AFF3: variants seen among roughly 807,000 people sequenced by gnomAD.
AFF3 encodes ALF transcription elongation factor 3, also known as AF4/FMR2 family member 3.
AFF3 carries 32 observed loss-of-function variants against 129.7 expected under a neutral mutation model. That is an observed-to-expected ratio of 0.25 (90% CI 0.19 to 0.33). The LOEUF (loss-of-function observed/expected upper bound fraction) is 0.33, where lower values mean the gene tolerates loss of function less well. Among genes scored for constraint, AFF3 ranks in the 10% least tolerant of loss-of-function variants. The probability of loss-of-function intolerance (pLI) is 1.00; values close to 1 mark genes in which losing one functional copy is unlikely to be tolerated. For missense variants in AFF3, 1,373 were observed against 1,592.0 expected, an observed-to-expected ratio of 0.86 and a Z score of 2.34; for synonymous variants, 644 against 635.4, an observed-to-expected ratio of 1.01 and a Z score of -0.20.
chr2:99,879,390 T>G (rs1692530715), intron 7 of AFF3, among the ~76,000 whole-genome samples: 1 of 152,198 alleles, frequency 6.6e-6, no homozygotes, highest in Non-Finnish European at 1.5e-5. Context: ...GCTCATCAAC[T>G]TCCTAGTAGC....
chr2:99,676,482 C>G (rs1266071758), intron 11 of AFF3, among the ~76,000 whole-genome samples: 1 of 152,172 alleles, frequency 6.6e-6, no homozygotes, highest in East Asian at 1.9e-4. Flanking sequence ...GGACCTGCCT[C>G]AGAGGGCTTC....
intron 4 of AFF3, among the ~76,000 whole-genome samples, chr2:100,073,286 G>A (rs10206252): frequency 0.016 from 2,439 of 152,330 alleles, 69 homozygotes; most frequent in African/African-American, 0.055. Context: ...AAGGGGACAC[G>A]TGGACACAGG....
intron 13 of AFF3, among the ~76,000 whole-genome samples, chr2:99,632,008 CTTTTTTTTTTTTT>C (rs745651225): frequency 3.9e-5 from 3 of 76,908 alleles, no homozygotes; most frequent in South Asian, 5.9e-4. Flanking sequence ...CTTGCCAACA[CTTTTTTTTTTTTT>C]TTTTTTTTTT....
chr2:99,856,794 G>C (rs1690563676), intron 7 of AFF3, among the ~76,000 whole-genome samples: 1 of 152,084 alleles, frequency 6.6e-6, no homozygotes, highest in African/African-American at 2.4e-5. Context: ...TGATTATTTG[G>C]GTATTAAATT....
In AFF3 at chr2:99,798,568, A is replaced by G. The variant is rs962033188; in HGVS notation, c.921+38909T>C. On this transcript the variant is annotated intron_variant, in intron 8 of 24. Coordinates refer to ENST00000672756, the MANE Select transcript of AFF3 (RefSeq NM_001386135.1). ...CAATTATATGCTATTTATAAGAAAT[A>G]TACTGTAAGTATAAGAAAAACCAAA... 5.9e-5 allele frequency among the ~76,000 whole-genome samples: 9 copies of G among 152,116 alleles called. No individual in the cohort carries two copies. The East Asian group carries it at 1.7e-3, about 29-fold the overall frequency.
chr2:99,771,831 T>C (rs1218566417), intron 8 of AFF3, among the ~76,000 whole-genome samples: 1 of 152,186 alleles, frequency 6.6e-6, no homozygotes, highest in Admixed American at 6.5e-5. Flanking sequence ...CCAAGGCCTC[T>C]CAGTCACTTG....
chr2:99,827,794 G>C (rs1688204102), intron 8 of AFF3, among the ~76,000 whole-genome samples: 1 of 151,976 alleles, frequency 6.6e-6, no homozygotes, highest in Non-Finnish European at 1.5e-5. Context: ...AGAGAGAGGA[G>C]GTGCTCACTC....
At chr2:99,762,793 G>A (rs1212903837) in intron 8 of AFF3, among the ~76,000 whole-genome samples, 8 of 152,216 alleles carry the variant, frequency 5.3e-5, no homozygotes, top group Non-Finnish European at 1.2e-4. Flanking sequence ...GACACGGGAT[G>A]AATTCTGCGA....
At position 99,677,113 on chromosome 2, in the gene AFF3, T is replaced by C. The variant is rs141769462; in HGVS notation, c.1092-4524A>G. 5.1e-3 allele frequency among the ~76,000 whole-genome samples: 776 copies of C among 151,810 alleles called. 7 individuals are homozygous for C. Among genetic ancestry groups the C allele is most frequent in the African/African-American group, 0.017 (711 of 41,390 alleles). ...CAAAATACTGTCTCTATAAAAAATA[T>C]ATAAAAATTAGACAGACATGGTGGT... On this transcript the variant is annotated intron_variant, in intron 11 of 24. Transcript: ENST00000672756.
intron 8 of AFF3, among the ~76,000 whole-genome samples, chr2:99,778,352 G>A (rs1684109651): frequency 6.6e-6 from 1 of 152,194 alleles, no homozygotes; most frequent in Admixed American, 6.5e-5. Context: ...ATGTACAATT[G>A]ATACAAGGAA....
At chr2:100,104,687 C>T in intron 3 of AFF3, 169 bp from the exon 4 acceptor site, 1 of 972,440 alleles carries the variant, frequency 1.0e-6, no homozygotes, top group Non-Finnish European at 1.2e-6. Context: ...GGCTTGCGCG[C>T]AGGCACACTC....
intron 7 of AFF3, among the ~76,000 whole-genome samples, chr2:99,908,380 G>T (rs1279209256): frequency 1.3e-5 from 2 of 152,068 alleles, no homozygotes; most frequent in African/African-American, 4.8e-5. Flanking sequence ...AGCGCTAGAA[G>T]AAAACCTAGG....
At chr2:100,034,369 T>C (rs1684746147) in intron 4 of AFF3, among the ~76,000 whole-genome samples, 1 of 152,134 alleles carries the variant, frequency 6.6e-6, no homozygotes, top group South Asian at 2.1e-4. Flanking sequence ...AAAATAAAAT[T>C]AAATATAGAA....
chr2:99,724,271 C>CTTTCTTT (rs1411290883), intron 11 of AFF3, among the ~76,000 whole-genome samples: 2 of 66,862 alleles, frequency 3.0e-5, no homozygotes, highest in Admixed American at 2.5e-4. Context: ...AATGACCTTT[C>CTTTCTTT]TTTTTTTTTT....
In AFF3 at chr2:100,008,936, C is replaced by T. The variant is rs779477791; in HGVS notation, c.54-4G>A. ...ATTTCTATCTGGTTCATAGACACTG[C>T]ATCAGGAAAAAGAAGAGAGAACAAC... On this transcript the variant is annotated splice_region_variant and splice_polypyrimidine_tract_variant and intron_variant, in intron 4 of 24. Coordinates refer to ENST00000672756, the MANE Select transcript of AFF3 (RefSeq NM_001386135.1). 26 of 1,612,720 alleles carry T rather than the reference C, an allele frequency of 1.6e-5. No homozygotes were observed. The East Asian group carries it at 5.1e-4, about 32-fold the overall frequency.
At chr2:99,686,739 A>G (rs1335831661) in intron 11 of AFF3, among the ~76,000 whole-genome samples, 1 of 152,236 alleles carries the variant, frequency 6.6e-6, no homozygotes, top group East Asian at 1.9e-4. Flanking sequence ...ATCTTATTGC[A>G]TGGCAAATAT....
rs914232805 is a variant in AFF3, at chr2:99,554,294, G to T, written c.3559+17C>A. 3.7e-6 allele frequency: 6 copies of T among 1,613,780 alleles called. No individual in the cohort carries two copies. In the African/African-American group the frequency reaches 5.3e-5, roughly 14 times the overall value. On this transcript the variant is annotated intron_variant, in intron 24 of 24. Transcript: ENST00000672756. Reference sequence around the variant, plus strand: ...GGGAGGCGGAAGCCCCTGGTTCCCCGTGGGGTGTGCGCTCACCTCGGTTTT... The same window carrying T: ...GGGAGGCGGAAGCCCCTGGTTCCCCTTGGGGTGTGCGCTCACCTCGGTTTT...
intron 7 of AFF3, among the ~76,000 whole-genome samples, chr2:99,968,168 G>C (rs1429848046): frequency 6.6e-6 from 1 of 152,164 alleles, no homozygotes; most frequent in Non-Finnish European, 1.5e-5. Context: ...CAGTAAGAAT[G>C]AACTAGTCCC....
Position 99,565,638 on chromosome 2 carries a change from T to C in AFF3, c.2983-15A>G, listed in dbSNP as rs1241545309. ...AACTTTTCCACCTGATCAACAGAGTTAATACAGTGTCTTCCTAAACAATAG... is the reference window on the plus strand; with the variant it reads ...AACTTTTCCACCTGATCAACAGAGTCAATACAGTGTCTTCCTAAACAATAG... On this transcript the variant is annotated splice_polypyrimidine_tract_variant and intron_variant, in intron 19 of 24. Coordinates refer to ENST00000672756, the MANE Select transcript of AFF3 (RefSeq NM_001386135.1). 6.2e-7 allele frequency: 1 copy of C among 1,608,596 alleles called. No homozygotes were observed. Among genetic ancestry groups the C allele is most frequent in the Admixed American group, 1.7e-5 (1 of 59,896 alleles).
Sources: allele counts gnomAD v4.1 joint callset (sites outside exome capture counted in the v4.1 genomes callset), GRCh38; gene constraint gnomAD v4.1.1; transcripts MANE v1.5; gene names NCBI Gene and HGNC (gene_info 2026-07-23, HGNC 2026-07-21).